Variants in NCAM2 observed in about 807,000 individuals in gnomAD.
The protein encoded by NCAM2 is neural cell adhesion molecule 2, also known as N-CAM-2.
In NCAM2, 30 loss-of-function variants were observed where a neutral mutation model predicts 98.1. The ratio of observed to expected loss-of-function variants is 0.31; its 90% confidence interval spans 0.23 to 0.41. The LOEUF is 0.41. Among genes scored for constraint, NCAM2 ranks in the 10% least tolerant of loss-of-function variants. The pLI, the probability that NCAM2 is intolerant of heterozygous loss-of-function variation, is 1.00. For synonymous variants in NCAM2, 368 were observed against 342.4 expected (o/e 1.07, Z -0.83); for missense variants, 867 against 1,005.8 (o/e 0.86, Z 1.87).
intron 1 of NCAM2, among the ~76,000 whole-genome samples, chr21:21,006,462 T>G (rs1388138017): frequency 2.0e-5 from 3 of 152,108 alleles, no homozygotes; most frequent in South Asian, 2.1e-4. Context: ...CAAGCAGAGA[T>G]AGCATCACTG....
intron 10 of NCAM2, among the ~76,000 whole-genome samples, chr21:21,412,594 T>C (rs1016182015): frequency 3.9e-5 from 6 of 152,174 alleles, no homozygotes; most frequent in East Asian, 1.9e-4. Flanking sequence ...CTATTTAAAC[T>C]TCTGCCTAAA....
chr21:21,382,593 G>T (rs1388194343), intron 9 of NCAM2, among the ~76,000 whole-genome samples: 1 of 150,086 alleles, frequency 6.7e-6, no homozygotes, highest in Admixed American at 6.7e-5. Context: ...TCCGCTCACC[G>T]CAACCTTCAC....
chr21:21,153,491 T>A (rs1443155834), intron 1 of NCAM2, among the ~76,000 whole-genome samples: 1 of 151,880 alleles, frequency 6.6e-6, no homozygotes, highest in Non-Finnish European at 1.5e-5. Context: ...TAGAAAAGTA[T>A]GAAATATTGA....
chr21:21,029,176 A>G (rs769461069), intron 1 of NCAM2, among the ~76,000 whole-genome samples: 21 of 152,228 alleles, frequency 1.4e-4, no homozygotes, highest in Non-Finnish European at 2.1e-4. Flanking sequence ...CTTTTACACA[A>G]ATATTTACAA....
intron 10 of NCAM2, among the ~76,000 whole-genome samples, chr21:21,416,844 A>G (rs2077004294): frequency 6.6e-6 from 1 of 152,088 alleles, no homozygotes; most frequent in Non-Finnish European, 1.5e-5. Context: ...TACATCAAAT[A>G]AGCTTCAGGG....
chr21:21,388,778 T>C (rs2076322004), intron 9 of NCAM2, among the ~76,000 whole-genome samples: 1 of 152,294 alleles, frequency 6.6e-6, no homozygotes, highest in East Asian at 1.9e-4. Flanking sequence ...AAAATCTAAA[T>C]GCAGAAGAGG....
At chr21:21,314,640 A>C (rs903723453) in intron 5 of NCAM2, among the ~76,000 whole-genome samples, 1 of 152,042 alleles carries the variant, frequency 6.6e-6, no homozygotes, top group Non-Finnish European at 1.5e-5. Flanking sequence ...AAGTTCCTGA[A>C]GTCTATTCAC....
At chr21:21,027,782 C>T (rs2064582116) in intron 1 of NCAM2, among the ~76,000 whole-genome samples, 1 of 151,938 alleles carries the variant, frequency 6.6e-6, no homozygotes, top group Non-Finnish European at 1.5e-5. Flanking sequence ...GTAGTTACTT[C>T]AGTAATTTAT....
At chr21:21,243,748 A>G (rs2071158490) in intron 1 of NCAM2, among the ~76,000 whole-genome samples, 1 of 152,304 alleles carries the variant, frequency 6.6e-6, no homozygotes, top group South Asian at 2.1e-4. Context: ...TGCATCCACT[A>G]GAACAGGTCC....
chr21:21,399,201 G>A (rs1156876145), intron 9 of NCAM2, among the ~76,000 whole-genome samples: 1 of 152,080 alleles, frequency 6.6e-6, no homozygotes, highest in Non-Finnish European at 1.5e-5. Context: ...TCCAGAATTC[G>A]TTTTGAAAAT....
chr21:21,116,364 T>C (rs2066559664), intron 1 of NCAM2, among the ~76,000 whole-genome samples: 1 of 152,200 alleles, frequency 6.6e-6, no homozygotes, highest in Non-Finnish European at 1.5e-5. Flanking sequence ...GAAAACCTGC[T>C]CTTAAGTGCT....
At chr21:21,237,051 C>T (rs900133586) in intron 1 of NCAM2, among the ~76,000 whole-genome samples, 1 of 152,084 alleles carries the variant, frequency 6.6e-6, no homozygotes, top group Non-Finnish European at 1.5e-5. Context: ...ATGTTTTTAT[C>T]CCTGCTTTCT....
intron 1 of NCAM2, among the ~76,000 whole-genome samples, chr21:21,175,653 G>A (rs950929246): frequency 6.6e-6 from 1 of 152,236 alleles, no homozygotes; most frequent in African/African-American, 2.4e-5. Flanking sequence ...ACCGTTAAGG[G>A]TTTAGTTGTT....
chr21:21,536,668 G>A (rs1990000014), intron 17 of NCAM2, among the ~76,000 whole-genome samples: 1 of 152,090 alleles, frequency 6.6e-6, no homozygotes. Flanking sequence ...AGGATTAGAG[G>A]CGTGAGCCAC....
intron 1 of NCAM2, among the ~76,000 whole-genome samples, chr21:21,015,893 G>C (rs1319446475): frequency 6.6e-6 from 1 of 151,982 alleles, no homozygotes; most frequent in Non-Finnish European, 1.5e-5. Flanking sequence ...ATTTTTAGTA[G>C]AGACAGGGTT....
At chr21:21,517,793 G>A (rs1988795713) in intron 16 of NCAM2, among the ~76,000 whole-genome samples, 1 of 152,272 alleles carries the variant, frequency 6.6e-6, no homozygotes, top group South Asian at 2.1e-4. Context: ...GGGGAACGAA[G>A]ATGGCACCAA....
At chr21:21,362,672 G>A (rs559773224) in intron 8 of NCAM2, among the ~76,000 whole-genome samples, 1 of 152,134 alleles carries the variant, frequency 6.6e-6, no homozygotes, top group African/African-American at 2.4e-5. Flanking sequence ...ACTGCAAATT[G>A]CAAGTCTTAA....
intron 15 of NCAM2, among the ~76,000 whole-genome samples, chr21:21,500,359 C>G (rs1431774252): frequency 1.3e-5 from 2 of 152,010 alleles, no homozygotes; most frequent in Non-Finnish European, 2.9e-5. Context: ...ATAAATCTAT[C>G]CATTTAGGGA....
intron 1 of NCAM2, among the ~76,000 whole-genome samples, chr21:21,122,768 C>T (rs182958432): frequency 6.6e-6 from 1 of 152,290 alleles, no homozygotes. Context: ...CTGTGTCCAT[C>T]AGAACTGAGC....
Sources: allele counts gnomAD v4.1 joint callset (sites outside exome capture counted in the v4.1 genomes callset), GRCh38; gene constraint gnomAD v4.1.1; transcripts MANE v1.5; gene names NCBI Gene and HGNC (gene_info 2026-07-23, HGNC 2026-07-21).